MYO1D: variants seen among roughly 807,000 people sequenced by gnomAD.
MYO1D encodes the protein myosin ID, also known as unconventional myosin-Id.
Under a neutral mutation model 122.0 loss-of-function variants are expected in MYO1D, and 83 were observed. That is an observed-to-expected ratio of 0.68 (90% CI 0.57 to 0.82). The LOEUF (loss-of-function observed/expected upper bound fraction) is 0.82, where lower values mean the gene tolerates loss of function less well. MYO1D is among the 40% of genes least tolerant of loss of function. The pLI, the probability that MYO1D is intolerant of heterozygous loss-of-function variation, is 0.00. For missense variants in MYO1D, 1,157 were observed against 1,269.5 expected (o/e 0.91, Z 1.35); for synonymous variants, 464 against 446.9 (o/e 1.04, Z -0.48).
chr17:32,837,033 A>C (rs577259748), intron 1 of MYO1D, among the ~76,000 whole-genome samples: 1 of 152,202 alleles, frequency 6.6e-6, no homozygotes, highest in Admixed American at 6.5e-5. Context: ...GTTGCTTCAT[A>C]TCCTCACCAA....
intron 1 of MYO1D, among the ~76,000 whole-genome samples, chr17:32,838,378 C>T (rs904868274): frequency 6.6e-6 from 1 of 152,134 alleles, no homozygotes; most frequent in Non-Finnish European, 1.5e-5. Flanking sequence ...ACTGTCTTTT[C>T]AGTTCCATCG....
chr17:32,770,286 T>C (rs529421405), intron 6 of MYO1D, among the ~76,000 whole-genome samples: 1 of 152,322 alleles, frequency 6.6e-6, no homozygotes, highest in South Asian at 2.1e-4. Context: ...CTTAGATCTT[T>C]TTCCTTTACA....
chr17:32,602,100 C>T (rs1253137681), intron 21 of MYO1D, among the ~76,000 whole-genome samples: 2 of 152,324 alleles, frequency 1.3e-5, no homozygotes, highest in South Asian at 2.1e-4. Flanking sequence ...TGGAATATCT[C>T]AAACATCAGT....
intron 21 of MYO1D, among the ~76,000 whole-genome samples, chr17:32,577,473 T>C (rs1379454454): frequency 6.6e-6 from 1 of 152,242 alleles, no homozygotes; most frequent in South Asian, 2.1e-4. Context: ...TAATGTCTAA[T>C]GATTAATCAA....
chr17:32,593,823 G>T (rs1250767934), intron 21 of MYO1D, among the ~76,000 whole-genome samples: 1 of 152,208 alleles, frequency 6.6e-6, no homozygotes, highest in African/African-American at 2.4e-5. Context: ...TGTAATCCCA[G>T]CTACCTGGGA....
At chr17:32,769,655 C>T (rs2090094515) in intron 6 of MYO1D, among the ~76,000 whole-genome samples, 1 of 151,726 alleles carries the variant, frequency 6.6e-6, no homozygotes, top group Non-Finnish European at 1.5e-5. Flanking sequence ...TTGTATGATT[C>T]CATTTATAAA....
chr17:32,713,632 C>CATG (rs1567962167), intron 15 of MYO1D, among the ~76,000 whole-genome samples: 1 of 151,628 alleles, frequency 6.6e-6, no homozygotes, highest in African/African-American at 2.4e-5. Flanking sequence ...ACATTAAATA[C>CATG]ATTATTATTA....
chr17:32,540,566 A>G (rs1307289620), intron 21 of MYO1D, among the ~76,000 whole-genome samples: 4 of 152,250 alleles, frequency 2.6e-5, no homozygotes, highest in African/African-American at 9.6e-5. Flanking sequence ...TTTAGTTATC[A>G]GGGAAATGCA....
At chr17:32,601,209 C>T (rs1597922456) in intron 21 of MYO1D, among the ~76,000 whole-genome samples, 1 of 151,966 alleles carries the variant, frequency 6.6e-6, no homozygotes, top group Admixed American at 6.5e-5. Context: ...GTGCTGGGGT[C>T]GCAGGAATGA....
intron 16 of MYO1D, among the ~76,000 whole-genome samples, chr17:32,704,850 C>CA: frequency 6.6e-6 from 1 of 151,818 alleles, no homozygotes; most frequent in East Asian, 1.9e-4. Context: ...AAAGATATAA[C>CA]AAAAAAGTAT....
intron 1 of MYO1D, among the ~76,000 whole-genome samples, chr17:32,798,912 G>C (rs2090439238): frequency 6.6e-6 from 1 of 152,068 alleles, no homozygotes; most frequent in Non-Finnish European, 1.5e-5. Context: ...TACTGCTGTG[G>C]GGCTCAAAAA....
intron 20 of MYO1D, among the ~76,000 whole-genome samples, chr17:32,624,010 G>C (rs923459856): frequency 2.0e-5 from 3 of 152,076 alleles, no homozygotes; most frequent in African/African-American, 7.2e-5. Context: ...GTGTCTCTCT[G>C]TCTCTCTCTC....
intron 19 of MYO1D, among the ~76,000 whole-genome samples, chr17:32,645,031 G>A (rs1442274927): frequency 6.6e-6 from 1 of 152,204 alleles, no homozygotes; most frequent in Non-Finnish European, 1.5e-5. Context: ...AATTTGGCAT[G>A]TTTTTGCAGT....
chr17:32,851,681 T>G (rs1015456591), intron 1 of MYO1D, among the ~76,000 whole-genome samples: 7 of 152,072 alleles, frequency 4.6e-5, no homozygotes, highest in Non-Finnish European at 1.0e-4. Context: ...CCCAGGGGGG[T>G]GGTTTCAGGG....
chr17:32,744,707 G>A (rs1367493855), intron 13 of MYO1D, among the ~76,000 whole-genome samples: 1 of 152,126 alleles, frequency 6.6e-6, no homozygotes, highest in Non-Finnish European at 1.5e-5. Context: ...CATTTGCCTA[G>A]TTTTATTTTG....
chr17:32,530,101 A>G (rs920061081), intron 21 of MYO1D: 1 of 152,182 alleles, frequency 6.6e-6, no homozygotes, highest in Non-Finnish European at 1.5e-5. Flanking sequence ...GACAAATATA[A>G]ATTAAAAAAC....
At chr17:32,876,731 G>A (rs750510668) in intron 1 of MYO1D, 47 bp downstream of exon 1, 3 of 1,444,308 alleles carry the variant, frequency 2.1e-6, no homozygotes, top group South Asian at 2.6e-5. Context: ...GCCCCCTCTC[G>A]GGAAAGCGCA....
intron 19 of MYO1D, among the ~76,000 whole-genome samples, chr17:32,642,412 A>G (rs1194459351): frequency 1.1e-4 from 16 of 152,100 alleles, no homozygotes; most frequent in Non-Finnish European, 1.6e-4. Context: ...TTGGCAATGC[A>G]GGCTCTTTTT....
chr17:32,756,551 T>G (rs531513725), intron 10 of MYO1D, among the ~76,000 whole-genome samples: 9 of 151,214 alleles, frequency 6.0e-5, no homozygotes, highest in Middle Eastern at 6.8e-3. Context: ...TATCTCTTAG[T>G]GTTAAATAAA....
Sources: gnomAD v4.1 joint callset for allele counts (sites outside exome capture counted in the v4.1 genomes callset) on GRCh38, gnomAD v4.1.1 for gene constraint, MANE v1.5 for transcripts, NCBI Gene and HGNC (gene_info 2026-07-23, HGNC 2026-07-21) for gene names.